The following HTRA1 variants were observed in gnomAD, a reference collection of about 807,000 sequenced individuals.
The protein encoded by HTRA1 is HtrA serine peptidase 1.
Under a neutral mutation model 49.7 loss-of-function variants are expected in HTRA1, and 26 were observed. The ratio of observed to expected loss-of-function variants is 0.52; its 90% CI spans 0.38 to 0.73. HTRA1 has a LOEUF of 0.73. Among genes scored for constraint, HTRA1 ranks in the 30% least tolerant of loss-of-function variants. The pLI, the probability that HTRA1 is intolerant of heterozygous loss-of-function variation, is 0.00. For synonymous variants in HTRA1, 291 were observed against 286.9 expected (o/e 1.01, Z -0.14); for missense variants, 561 against 667.2 (o/e 0.84, Z 1.75).
intron 3 of HTRA1, among the ~76,000 whole-genome samples, chr10:122,496,320 C>A (rs937942780): frequency 1.6e-5 from 2 of 121,246 alleles, no homozygotes; most frequent in Non-Finnish European, 3.3e-5. Flanking sequence ...TTGTCTATTT[C>A]TCTGTGACAT....
intron 8 of HTRA1, among the ~76,000 whole-genome samples, chr10:122,512,684 T>G (rs1169405988): frequency 6.6e-6 from 1 of 152,220 alleles, no homozygotes; most frequent in Non-Finnish European, 1.5e-5. Flanking sequence ...AGTTTTTGCA[T>G]TTTATTTTTA....
At chr10:122,463,455 C>G (rs2097482477) in intron 1 of HTRA1, among the ~76,000 whole-genome samples, 1 of 152,126 alleles carries the variant, frequency 6.6e-6, no homozygotes, top group African/African-American at 2.4e-5. Context: ...GGGTGTGTTA[C>G]CTCTGTGACC....
chr10:122,483,994 C>A (rs943101471), intron 1 of HTRA1, among the ~76,000 whole-genome samples: 1 of 152,200 alleles, frequency 6.6e-6, no homozygotes, highest in Non-Finnish European at 1.5e-5. Flanking sequence ...ATATCATCTG[C>A]AAATAAAGAC....
intron 1 of HTRA1, among the ~76,000 whole-genome samples, chr10:122,477,387 C>G (rs772104657): frequency 6.6e-6 from 1 of 152,150 alleles, no homozygotes; most frequent in African/African-American, 2.4e-5. Context: ...CCCACATACA[C>G]CCCAGGAAAT....
chr10:122,477,387 C>T (rs772104657), intron 1 of HTRA1, among the ~76,000 whole-genome samples: 2 of 152,150 alleles, frequency 1.3e-5, no homozygotes, highest in African/African-American at 2.4e-5. Context: ...CCCACATACA[C>T]CCCAGGAAAT....
intron 2 of HTRA1, 126 bp from the exon 3 acceptor site, chr10:122,489,296 C>T: frequency 1.0e-6 from 1 of 960,800 alleles, no homozygotes; most frequent in Non-Finnish European, 1.7e-6. Context: ...TGTTTAAATG[C>T]TAAGCCCGAT....
intron 1 of HTRA1, among the ~76,000 whole-genome samples, chr10:122,473,769 C>A (rs923140024): frequency 6.6e-6 from 1 of 152,148 alleles, no homozygotes; most frequent in Admixed American, 6.5e-5. Flanking sequence ...AGGAAACCAC[C>A]GGTTCATTTT....
In HTRA1 at chr10:122,489,217, A is replaced by G. The variant is rs190441170; in HGVS notation, c.573-205A>G. ...ATGTTTAAAGAACCTCGGGCTCTGA[A>G]GAGATTCTCTAAGAATATTTTGTAA... On this transcript the variant is annotated intron_variant, in intron 2 of 8. Coordinates refer to ENST00000368984, the MANE Select transcript of HTRA1 (RefSeq NM_002775.5). Among the ~76,000 whole-genome samples, 12 of 152,324 alleles carry G rather than the reference A, an allele frequency of 7.9e-5. No homozygotes were observed. In the East Asian group the frequency reaches 1.3e-3, roughly 17 times the overall value.
At chr10:122,495,454 T>C (rs982018472) in intron 3 of HTRA1, among the ~76,000 whole-genome samples, 2 of 152,194 alleles carry the variant, frequency 1.3e-5, no homozygotes, top group Non-Finnish European at 2.9e-5. Flanking sequence ...AAGTAGAAGC[T>C]GGCTTTTATT....
rs952072171 is a variant in HTRA1, at chr10:122,464,546, GAATA to G, written c.472+2426_472+2429del. ...ACTTGGTACGAGTGGATTAGTGAAT[GAATA>G]AATGAATGAATGAAGACAAACGGGA... On this transcript the variant is annotated intron_variant, in intron 1 of 8. Coordinates refer to ENST00000368984, the MANE Select transcript of HTRA1 (RefSeq NM_002775.5). This position sits in a 1 kb window ranked among gnomAD's most constrained non-coding sequence, Gnocchi z 4.8. Among the ~76,000 whole-genome samples, 1 of 152,196 alleles carries G rather than the reference GAATA, an allele frequency of 6.6e-6. No individual in the cohort carries two copies. Among genetic ancestry groups the G allele is most frequent in the African/African-American group, 2.4e-5 (1 of 41,450 alleles).
Position 122,507,353 on chromosome 10 carries a change from T to C in HTRA1, c.973-17T>C. On this transcript the variant is annotated splice_polypyrimidine_tract_variant and intron_variant, in intron 4 of 8. Coordinates refer to ENST00000368984, the MANE Select transcript of HTRA1 (RefSeq NM_002775.5). Reference sequence around the variant, plus strand: ...TATGACACGATTTGTAACCTTTTCATTTCTGTTTAATTGCAGTATGGAAAC... The same window carrying C: ...TATGACACGATTTGTAACCTTTTCACTTCTGTTTAATTGCAGTATGGAAAC... The C allele has an allele frequency of 1.2e-6, 2 of 1,608,760 alleles. No homozygotes were observed. The highest frequency in any genetic ancestry group is 1.7e-6 in the Non-Finnish European group (2 of 1,175,086).
intron 7 of HTRA1, 23 bp from the exon 8 acceptor site, chr10:122,511,947 C>A: frequency 5.0e-6 from 8 of 1,592,116 alleles, no homozygotes; most frequent in Non-Finnish European, 5.2e-6. Context: ...CACACTAACA[C>A]GGGTGCTTTT....
At chr10:122,473,017 C>A (rs908298409) in intron 1 of HTRA1, among the ~76,000 whole-genome samples, 2 of 152,202 alleles carry the variant, frequency 1.3e-5, no homozygotes, top group African/African-American at 4.8e-5. Context: ...ATCAATCCTT[C>A]AGGAATAATG....
At chr10:122,467,560 A>T (rs1329195611) in intron 1 of HTRA1, among the ~76,000 whole-genome samples, 1 of 152,114 alleles carries the variant, frequency 6.6e-6, no homozygotes, top group East Asian at 1.9e-4. Context: ...AATAGATGTG[A>T]TCCATCTTGA....
chr10:122,468,639 G>A (rs892603767), intron 1 of HTRA1, among the ~76,000 whole-genome samples: 10 of 152,198 alleles, frequency 6.6e-5, no homozygotes, highest in Non-Finnish European at 1.0e-4. Context: ...GGTATCCAAA[G>A]TCACTTTGCC....
chr10:122,474,077 C>T (rs1163637988), intron 1 of HTRA1, among the ~76,000 whole-genome samples: 4 of 152,172 alleles, frequency 2.6e-5, no homozygotes, highest in Admixed American at 6.5e-5. Context: ...GCACCTGACT[C>T]AGGAAGCCAG....
intron 1 of HTRA1, among the ~76,000 whole-genome samples, chr10:122,472,561 A>G (rs1253091777): frequency 6.6e-6 from 1 of 151,734 alleles, no homozygotes; most frequent in African/African-American, 2.4e-5. Context: ...ACACCCAGCT[A>G]CCTTTTATAT....
chr10:122,462,516 G>A (rs1455520412), intron 1 of HTRA1, among the ~76,000 whole-genome samples: 1 of 152,266 alleles, frequency 6.6e-6, no homozygotes, highest in African/African-American at 2.4e-5. Context: ...AGCGGCTTCA[G>A]GACCACAAGA....
chr10:122,483,915 C>T (rs2097492061), intron 1 of HTRA1, among the ~76,000 whole-genome samples: 1 of 152,166 alleles, frequency 6.6e-6, no homozygotes, highest in African/African-American at 2.4e-5. Context: ...GACCTCTTAT[C>T]CTGTGACATT....
Sources: gnomAD v4.1 joint callset for allele counts (sites outside exome capture counted in the v4.1 genomes callset) on GRCh38, gnomAD v4.1.1 for gene constraint, Gnocchi (gnomAD v3.1) non-coding constraint, MANE v1.5 for transcripts, NCBI Gene and HGNC (gene_info 2026-07-23, HGNC 2026-07-21) for gene names.